The following CLTB variants were observed in gnomAD, a reference collection of about 807,000 sequenced individuals.
CLTB encodes clathrin, light chain (Lcb).
Under a neutral mutation model 30.5 loss-of-function variants are expected in CLTB, and 10 were observed. The observed-to-expected ratio is 0.33, with a 90% CI of 0.20 to 0.56. The LOEUF is 0.56. CLTB is among the 20% of genes least tolerant of loss of function. The pLI, the probability that CLTB is intolerant of heterozygous loss-of-function variation, is 0.91. For synonymous variants in CLTB, 102 were observed against 120.3 expected (o/e 0.85, Z 1.00); for missense variants, 261 against 308.3 (o/e 0.85, Z 1.15).
intron 1 of CLTB, among the ~76,000 whole-genome samples, chr5:176,415,567 A>AAAC (rs773958846): frequency 6.6e-6 from 1 of 152,226 alleles, no homozygotes; most frequent in Non-Finnish European, 1.5e-5. Context: ...AAACAGGTTT[A>AAAC]AATTCTTGAT....
At chr5:176,402,692 A>G (rs1756885940) in intron 2 of CLTB, among the ~76,000 whole-genome samples, 1 of 152,236 alleles carries the variant, frequency 6.6e-6, no homozygotes, top group South Asian at 2.1e-4. Context: ...ATAGATGTTC[A>G]GGCTTGGGGA....
intron 2 of CLTB, among the ~76,000 whole-genome samples, chr5:176,407,077 G>A (rs1757161448): frequency 6.6e-6 from 1 of 152,170 alleles, no homozygotes; most frequent in South Asian, 2.1e-4. Context: ...TAGTAACAGT[G>A]AGAATAAGAG....
intron 2 of CLTB, chr5:176,406,816 A>G: frequency 1.2e-6 from 1 of 812,900 alleles, no homozygotes; most frequent in Non-Finnish European, 1.7e-6. Context: ...TGCAGGCCAG[A>G]CCTGCTATGC....
At chr5:176,409,572 A>G (rs1426582141) in intron 2 of CLTB, among the ~76,000 whole-genome samples, 1 of 151,702 alleles carries the variant, frequency 6.6e-6, no homozygotes, top group Non-Finnish European at 1.5e-5. Flanking sequence ...TGCCACAATG[A>G]CTGGCTAATT....
At chr5:176,409,406 C>CTTTTTT (rs34831947) in intron 2 of CLTB, among the ~76,000 whole-genome samples, 2 of 79,658 alleles carry the variant, frequency 2.5e-5, no homozygotes, top group African/African-American at 5.7e-5. Flanking sequence ...TCTGATTGCC[C>CTTTTTT]TTTTTTTTTT....
Position 176,416,419 on chromosome 5 carries a change from C to G in CLTB, c.-56G>C. ...GCGCTCGGCTCTGCCCGCGCCTGCC[C>G]CGCGCTGCGTCCGGCGGCCGCGACG... On this transcript the variant is annotated 5_prime_UTR_variant, in exon 1 of 6. Coordinates refer to ENST00000310418, the MANE Select transcript of CLTB (RefSeq NM_007097.5). The G allele has an allele frequency of 2.9e-6, 4 of 1,395,762 alleles. No individual in the cohort carries two copies. The highest frequency in any genetic ancestry group is 3.7e-6 in the Non-Finnish European group (4 of 1,071,424). 86.5% of individuals were successfully genotyped at this position (1,395,762 alleles called of 1,614,324 possible). A position where few individuals can be genotyped will look rare whatever the true frequency, so the allele number is the denominator to read the frequency against.
intron 1 of CLTB, among the ~76,000 whole-genome samples, chr5:176,412,141 A>C (rs1211995635): frequency 6.9e-6 from 1 of 145,456 alleles, no homozygotes; most frequent in East Asian, 2.0e-4. Context: ...CCGCCACTGC[A>C]CTCCAGCCTG....
At chr5:176,415,376 C>T (rs1757642081) in intron 1 of CLTB, among the ~76,000 whole-genome samples, 1 of 152,096 alleles carries the variant, frequency 6.6e-6, no homozygotes, top group African/African-American at 2.4e-5. Flanking sequence ...GGCTTCAAGT[C>T]CGACAGGAAC....
intron 2 of CLTB, among the ~76,000 whole-genome samples, chr5:176,408,395 G>A (rs1258110388): frequency 6.6e-6 from 1 of 152,018 alleles, no homozygotes; most frequent in Non-Finnish European, 1.5e-5. Flanking sequence ...GATTAGCTAG[G>A]CGTGGTGGCG....
rs111658327 is a variant in CLTB at position 176,392,734 on chromosome 5, G to A, written c.*40C>T. 10 of 1,608,294 alleles carry A rather than the reference G, an allele frequency of 6.2e-6. No individual in the cohort carries two copies. The African/African-American group carries it at 9.3e-5, about 15-fold the overall frequency. On this transcript the variant is annotated 3_prime_UTR_variant, in exon 6 of 6. Transcript: ENST00000310418. This position sits in a 1 kb window ranked among gnomAD's most constrained non-coding sequence, Gnocchi z 5.2. Reference sequence around the variant, plus strand: ...AAAGCAGCTGCTCCTCCTGTGCCCAGGCCCAGCCCATGCTCTGTGGCCATG... The same window carrying A: ...AAAGCAGCTGCTCCTCCTGTGCCCAAGCCCAGCCCATGCTCTGTGGCCATG...
chr5:176,394,676 A>T (rs188680498), intron 5 of CLTB, among the ~76,000 whole-genome samples: 1 of 152,080 alleles, frequency 6.6e-6, no homozygotes, highest in Admixed American at 6.5e-5. Context: ...TTAGCCGGGC[A>T]TGGTGGCGGG....
At chr5:176,405,709 G>C (rs541081319) in intron 2 of CLTB, 1 of 151,312 alleles carries the variant, frequency 6.6e-6, no homozygotes, top group South Asian at 2.1e-4. Context: ...TGGAGGGCAC[G>C]GGACGAGCGC....
At position 176,408,270 on chromosome 5, in the gene CLTB, G is replaced by A. The variant is rs865856310; in HGVS notation, c.234+1987C>T. ...ACTGTCATGCCGGGCACGGTGGCTC[G>A]TGCCTGTAATCCCAGCACTTTGGGA... On this transcript the variant is annotated intron_variant, in intron 2 of 5. Coordinates refer to ENST00000310418, the MANE Select transcript of CLTB (RefSeq NM_007097.5). Among the ~76,000 whole-genome samples, 5 of 149,240 alleles carry A rather than the reference G, an allele frequency of 3.4e-5. 1 individual carries two copies. Among genetic ancestry groups the A allele is most frequent in the Admixed American group, 6.7e-5 (1 of 14,940 alleles).
chr5:176,416,251 A>C lies in CLTB; in HGVS notation c.113T>G (p.Ile38Arg). 1 of 1,601,788 alleles carries C rather than the reference A, an allele frequency of 6.2e-7. No individual in the cohort carries two copies. The highest frequency in any genetic ancestry group is 8.5e-7 in the Non-Finnish European group (1 of 1,175,992). Residue 38 changes from isoleucine to arginine, a missense_variant, in exon 1 of 6, where the codon ATA (isoleucine) becomes AGA (arginine). By Grantham distance (97) the Ile-to-Arg change is moderately conservative. Transcript: ENST00000310418. ...TGCCCCGAAGCCCTCGTCGTTCTCT[A>C]TGCCTGCAATCTCGCTCTCCTGCTG... ...LAQQESEIAG[I>R]ENDEGFGAPA...
intron 1 of CLTB, among the ~76,000 whole-genome samples, chr5:176,411,545 C>T (rs1757427342): frequency 6.6e-6 from 1 of 152,156 alleles, no homozygotes; most frequent in South Asian, 2.1e-4. Flanking sequence ...ATTCCTCCTG[C>T]AGTATTAAGC....
intron 2 of CLTB, among the ~76,000 whole-genome samples, chr5:176,404,587 G>A (rs1481688537): frequency 6.6e-6 from 1 of 152,188 alleles, no homozygotes; most frequent in Non-Finnish European, 1.5e-5. Context: ...CAGCCTTAAG[G>A]AAACTCAGCC....
intron 2 of CLTB, among the ~76,000 whole-genome samples, chr5:176,409,532 G>C (rs1352387410): frequency 1.4e-5 from 2 of 147,916 alleles, no homozygotes; most frequent in African/African-American, 2.5e-5. Flanking sequence ...TCCTGCCTTA[G>C]CCTCCCGAGT....
intron 2 of CLTB, among the ~76,000 whole-genome samples, chr5:176,403,049 ATT>A (rs34807992): frequency 1.7e-4 from 23 of 137,928 alleles, no homozygotes; most frequent in African/African-American, 3.5e-4. Flanking sequence ...GCCTGCCCTA[ATT>A]TTTTTTTTTT....
At chr5:176,394,040 C>T (rs567365677) in intron 5 of CLTB, among the ~76,000 whole-genome samples, 1 of 152,320 alleles carries the variant, frequency 6.6e-6, no homozygotes, top group South Asian at 2.1e-4. Context: ...GGGATGCTGG[C>T]TGTATGCTCA....
Sources: allele counts gnomAD v4.1 joint callset (sites outside exome capture counted in the v4.1 genomes callset), GRCh38; gene constraint gnomAD v4.1.1; non-coding constraint Gnocchi (gnomAD v3.1); transcripts MANE v1.5; gene names NCBI Gene and HGNC (gene_info 2026-07-23, HGNC 2026-07-21).